LPP: variants seen among roughly 807,000 people sequenced by gnomAD.
LPP encodes LIM domain containing preferred translocation partner in lipoma.
A neutral mutation model predicts 60.4 loss-of-function variants in LPP; 38 were observed. The observed-to-expected ratio is 0.63, with a 90% CI of 0.49 to 0.83. LPP has a LOEUF of 0.83. LPP is among the 40% of genes least tolerant of loss of function. The pLI is 0.00. For missense variants in LPP, 902 were observed against 783.6 expected (o/e 1.15, Z -1.80); for synonymous variants, 328 against 290.8 (o/e 1.13, Z -1.30).
chr3:188,495,648 A>G (rs901090342), intron 5 of LPP, among the ~76,000 whole-genome samples: 1 of 152,208 alleles, frequency 6.6e-6, no homozygotes, highest in East Asian at 1.9e-4. Context: ...AGATTAGCAC[A>G]TCTTCCATCC....
In LPP at chr3:188,229,304, G is replaced by A. The variant is rs190353685; in HGVS notation, c.-67+3777G>A. Among the ~76,000 whole-genome samples, 3 of 152,112 alleles carry A rather than the reference G, an allele frequency of 2.0e-5. No homozygotes were observed. In the East Asian group the frequency reaches 5.8e-4, roughly 29 times the overall value. ...GATAATCATACCTGCTGCTCCAGGC[G>A]TGACTAGCCCAGTGGGAGTCAGGAA... On this transcript the variant is annotated intron_variant, in intron 2 of 11. Transcript: ENST00000617246.
At chr3:188,622,390 C>G (rs1845963890) in intron 7 of LPP, among the ~76,000 whole-genome samples, 1 of 152,160 alleles carries the variant, frequency 6.6e-6, no homozygotes, top group Admixed American at 6.5e-5. Context: ...TTACGTAGCA[C>G]ATGAGCTGCT....
At chr3:188,760,360 A>G (rs1396240841) in intron 9 of LPP, 78 bp downstream of exon 9, 1 of 1,467,868 alleles carries the variant, frequency 6.8e-7, no homozygotes, top group African/African-American at 1.4e-5. Context: ...TAGATAGAAT[A>G]TAGCCATCAG....
chr3:188,521,116 T>C (rs1818740941), intron 5 of LPP, among the ~76,000 whole-genome samples: 1 of 152,176 alleles, frequency 6.6e-6, no homozygotes, highest in African/African-American at 2.4e-5. Context: ...AAAAGGCCTA[T>C]TCTAATTCAT....
chr3:188,347,530 T>G (rs930524764), intron 3 of LPP, among the ~76,000 whole-genome samples: 1 of 152,208 alleles, frequency 6.6e-6, no homozygotes, highest in South Asian at 2.1e-4. Context: ...CTGATCATAC[T>G]GAGTTTTCAC....
Position 188,609,879 on chromosome 3 carries a change from G to C in LPP, c.1113+35G>C. 6.4e-7 allele frequency: 1 copy of C among 1,563,520 alleles called. No homozygotes were observed. Among genetic ancestry groups the C allele is most frequent in the South Asian group, 1.2e-5 (1 of 82,668 alleles). ...TCAGTAACATAAGGAGGAGAATACA[G>C]GGGTGCCTATCTTAGTCTGCCTTCC... On this transcript the variant is annotated intron_variant, in intron 7 of 11. Transcript: ENST00000617246. The surrounding 1 kb of genome is among the most constrained non-coding windows in gnomAD (Gnocchi z 6.9).
At chr3:188,679,566 C>CGT (rs1858994064) in intron 7 of LPP, among the ~76,000 whole-genome samples, 2 of 145,554 alleles carry the variant, frequency 1.4e-5, no homozygotes, top group South Asian at 2.2e-4. Context: ...TGTGTGTGCG[C>CGT]GCGCGCATGT....
At chr3:188,753,597 G>A (rs1728842286) in intron 8 of LPP, among the ~76,000 whole-genome samples, 1 of 151,520 alleles carries the variant, frequency 6.6e-6, no homozygotes. Flanking sequence ...GTGTGTGTGT[G>A]TGTGTGTGTG....
chr3:188,333,111 A>G (rs1257725868), intron 2 of LPP, among the ~76,000 whole-genome samples: 1 of 152,234 alleles, frequency 6.6e-6, no homozygotes, highest in Non-Finnish European at 1.5e-5. Flanking sequence ...TCATGATAGT[A>G]GAACATATTG....
At chr3:188,754,962 A>G (rs538695886) in intron 8 of LPP, among the ~76,000 whole-genome samples, 1 of 152,342 alleles carries the variant, frequency 6.6e-6, no homozygotes, top group East Asian at 1.9e-4. Flanking sequence ...TAACTTCAGT[A>G]GCCATATGTA....
chr3:188,310,211 GTCTT>G (rs1051129728), intron 2 of LPP, among the ~76,000 whole-genome samples: 8 of 149,600 alleles, frequency 5.3e-5, no homozygotes, highest in South Asian at 4.2e-4. Flanking sequence ...TGTTAAAGTT[GTCTT>G]TCTTTTTTTT....
intron 2 of LPP, among the ~76,000 whole-genome samples, chr3:188,285,445 G>T (rs1743614842): frequency 1.3e-5 from 2 of 152,022 alleles, no homozygotes; most frequent in South Asian, 4.1e-4. Context: ...CTGAGACTGG[G>T]TCTCACTGTG....
chr3:188,260,243 A>G (rs923846956), intron 2 of LPP, among the ~76,000 whole-genome samples: 2 of 152,022 alleles, frequency 1.3e-5, no homozygotes, highest in African/African-American at 4.8e-5. Flanking sequence ...GGGTTTCACC[A>G]TGTTGGCCAG....
intron 4 of LPP, among the ~76,000 whole-genome samples, chr3:188,468,956 G>A (rs555901714): frequency 6.6e-6 from 1 of 152,250 alleles, no homozygotes; most frequent in African/African-American, 2.4e-5. Flanking sequence ...CAAGGTGGCT[G>A]AACTTCTGCT....
intron 4 of LPP, among the ~76,000 whole-genome samples, chr3:188,454,453 T>G (rs1797280777): frequency 2.0e-5 from 3 of 152,202 alleles, no homozygotes; most frequent in African/African-American, 7.2e-5. Flanking sequence ...TGAGATAAAC[T>G]GAATGCTAAA....
chr3:188,556,186 C>T (rs1176279991), intron 6 of LPP, among the ~76,000 whole-genome samples: 2 of 152,042 alleles, frequency 1.3e-5, no homozygotes, highest in Non-Finnish European at 2.9e-5. Flanking sequence ...CTCACACTTG[C>T]CTTACTTTTT....
chr3:188,747,356 ACTTT>A (rs1726573854), intron 8 of LPP, among the ~76,000 whole-genome samples: 1 of 152,198 alleles, frequency 6.6e-6, no homozygotes, highest in Non-Finnish European at 1.5e-5. Flanking sequence ...TGGAATTTTA[ACTTT>A]TCTACTTTAA....
chr3:188,553,636 T>C (rs1828746979), intron 6 of LPP: 1 of 152,236 alleles, frequency 6.6e-6, no homozygotes, highest in South Asian at 2.1e-4. Context: ...TGTTCAAGAA[T>C]GATTCATAAT....
At chr3:188,810,030 A>T (rs761371398) in intron 9 of LPP, among the ~76,000 whole-genome samples, 2 of 152,024 alleles carry the variant, frequency 1.3e-5, no homozygotes, top group South Asian at 4.1e-4. Context: ...GCTCTGTTCC[A>T]TTGGTCTATC....
Sources: allele counts gnomAD v4.1 joint callset (sites outside exome capture counted in the v4.1 genomes callset), GRCh38; gene constraint gnomAD v4.1.1; non-coding constraint Gnocchi (gnomAD v3.1); transcripts MANE v1.5; gene names NCBI Gene and HGNC (gene_info 2026-07-23, HGNC 2026-07-21).